TMEM245: variants seen among roughly 807,000 people sequenced by gnomAD.
TMEM245 encodes transmembrane protein 245, also known as protein CG-2.
In TMEM245, 69 loss-of-function variants were observed where a neutral mutation model predicts 101.2. That is an observed-to-expected ratio of 0.68 (90% CI 0.56 to 0.83). The LOEUF (loss-of-function observed/expected upper bound fraction) is 0.83. TMEM245 is among the 40% of genes least tolerant of loss of function. The pLI is 0.00. For synonymous variants in TMEM245, 537 were observed against 449.8 expected (o/e 1.19, Z -2.45); for missense variants, 1,075 against 1,092.8 (o/e 0.98, Z 0.23).
chr9:109,069,985 A>T (rs1829281989), intron 9 of TMEM245, among the ~76,000 whole-genome samples: 1 of 152,052 alleles, frequency 6.6e-6, no homozygotes, highest in Non-Finnish European at 1.5e-5. Context: ...GACCACTACT[A>T]CTGTCTCAAA....
rs1564197242 is a variant in TMEM245, at chr9:109,083,910, A to AC, written c.1344+2086_1344+2087insG. ...ATCTCTACTAAAAATACAAAAAAAA[A>AC]AAAAAAAAAAAAAAAAAAACACCAG... On this transcript the variant is annotated intron_variant, in intron 7 of 17. Transcript: ENST00000374586. Among the ~76,000 whole-genome samples the AC allele has an allele frequency of 1.5e-3, 170 of 111,556 alleles. 6 individuals are homozygous for AC. Among genetic ancestry groups the AC allele is most frequent in the East Asian group, 0.012 (46 of 3,968 alleles). The allele number at this position is 111,556 out of a possible 152,430, so 73.2% of individuals were successfully genotyped here. A position where few individuals can be genotyped will look rare whatever the true frequency, so the allele number is the denominator to read the frequency against.
intron 1 of TMEM245, among the ~76,000 whole-genome samples, chr9:109,115,489 A>T (rs1422494974): frequency 7.2e-6 from 1 of 139,686 alleles, no homozygotes; most frequent in Non-Finnish European, 1.6e-5. Context: ...TAGAATGCTG[A>T]TATTTTTCTG....
chr9:109,087,243 T>C lies in TMEM245; in HGVS notation c.1250A>G (p.Glu417Gly), dbSNP rs765102313. The C allele has an allele frequency of 9.9e-6, 16 of 1,613,996 alleles. No homozygotes were observed. Among genetic ancestry groups the C allele is most frequent in the South Asian group, 3.3e-5 (3 of 91,070 alleles). Residue 417 changes from glutamate to glycine, a missense_variant, in exon 6 of 18, where the codon GAG (glutamate) becomes GGG (glycine). By Grantham distance (98) the Glu-to-Gly change is moderately conservative. Coordinates refer to ENST00000374586, the MANE Select transcript of TMEM245 (RefSeq NM_032012.4). ...CCAAGGCGCGAGAGCTCCCTGCCGC[T>C]CCTTCAGGAAGCTTTCTATAATGCC... is the stretch of plus-strand genomic sequence containing the variant. ...WWGIIESFLK[E>G]RQGALAPWPI... is the part of the protein sequence containing the mutation.
Position 109,093,594 on chromosome 9 carries a change from G to A in TMEM245, c.800-3C>T, listed in dbSNP as rs1468843684. ...AACCTGCCCTGGTAACTCTGCCCCT[G>A]TAAAAGAAGCATCCATTTTCAAAAC... On this transcript the variant is annotated splice_region_variant and splice_polypyrimidine_tract_variant and intron_variant, in intron 3 of 17. Coordinates refer to ENST00000374586, the MANE Select transcript of TMEM245 (RefSeq NM_032012.4). 4 of 1,611,624 alleles carry A rather than the reference G, an allele frequency of 2.5e-6. No homozygotes were observed. The highest frequency in any genetic ancestry group is 3.4e-6 in the Non-Finnish European group (4 of 1,178,354).
In TMEM245 at chr9:109,038,054, A is replaced by G. The variant is rs780468813; in HGVS notation, c.2187T>C (p.His729=). 5.0e-6 allele frequency: 8 copies of G among 1,613,392 alleles called. No individual in the cohort carries two copies. In the South Asian group the frequency reaches 6.6e-5, roughly 13 times the overall value. Residue 729 remains histidine, a synonymous_variant, in exon 15 of 18, where the codon CAT becomes CAC. Coordinates refer to ENST00000374586, the MANE Select transcript of TMEM245 (RefSeq NM_032012.4). ...AGACAATATTGATGCCAAACATAGT[A>G]TGAGTCAGCCAGGTATACAATCCAT... is the stretch of plus-strand genomic sequence containing the variant. ...GFYGLYTWLT[H]TMFGINIVFI...
intron 12 of TMEM245, among the ~76,000 whole-genome samples, chr9:109,051,970 G>A (rs1828699983): frequency 6.6e-6 from 1 of 152,176 alleles, no homozygotes; most frequent in Admixed American, 6.5e-5. Context: ...GACAGGCAAT[G>A]ACCAGTATAT....
At chr9:109,104,368 A>C (rs1830356448) in intron 3 of TMEM245, among the ~76,000 whole-genome samples, 1 of 152,194 alleles carries the variant, frequency 6.6e-6, no homozygotes, top group African/African-American at 2.4e-5. Flanking sequence ...ACACTAAAAA[A>C]TTAAAGAGTA....
chr9:109,024,275 AC>A (rs1454980601), intron 17 of TMEM245, among the ~76,000 whole-genome samples: 1 of 152,088 alleles, frequency 6.6e-6, no homozygotes, highest in Non-Finnish European at 1.5e-5. Context: ...TATTATACAT[AC>A]CCCCTCCCTT....
At chr9:109,037,552 A>T (rs2132329648) in intron 15 of TMEM245, among the ~76,000 whole-genome samples, 1 of 152,180 alleles carries the variant, frequency 6.6e-6, no homozygotes, top group East Asian at 1.9e-4. Flanking sequence ...TTATCGTGAG[A>T]TCTGGTTGTT....
At chr9:109,033,004 G>C (rs1828009937) in intron 17 of TMEM245, among the ~76,000 whole-genome samples, 1 of 151,978 alleles carries the variant, frequency 6.6e-6, no homozygotes, top group African/African-American at 2.4e-5. Flanking sequence ...TCGCCATGTT[G>C]GCCAGGCTGG....
chr9:109,086,086 AC>A, intron 6 of TMEM245, 66 bp from the exon 7 acceptor site: 2 of 1,524,930 alleles, frequency 1.3e-6, no homozygotes, highest in Non-Finnish European at 9.1e-7. Flanking sequence ...AGAGAATGCA[AC>A]CATAGTATGA....
intron 17 of TMEM245, among the ~76,000 whole-genome samples, chr9:109,029,953 G>C (rs898393840): frequency 6.6e-6 from 1 of 152,162 alleles, no homozygotes; most frequent in Non-Finnish European, 1.5e-5. Context: ...AGCAAAAGTC[G>C]TATGGGTAAA....
Position 109,050,353 on chromosome 9 carries a change from T to A in TMEM245, c.2053A>T (p.Ser685Cys). 4 of 1,614,106 alleles carry A rather than the reference T, an allele frequency of 2.5e-6. No individual in the cohort carries two copies. Among genetic ancestry groups the A allele is most frequent in the Non-Finnish European group, 3.4e-6 (4 of 1,180,008 alleles). The change falls in exon 14 of 18, where the codon AGC becomes TGC. Residue 685 changes from serine to cysteine, a missense_variant. This residue lies in a region of TMEM245 where 267 missense variants were observed against 351.3 expected (regional missense o/e 0.76). Transcript: ENST00000374586. ...EYYKPVKWVI[S>C]LTPLSQPGPS... ...CCTGGCTGAGATAGTGGAGTCAGGC[T>A]TATCACCCACTTCACTGGCTTGTAG...
chr9:109,033,629 C>T (rs566497043), intron 16 of TMEM245, 128 bp from the exon 17 acceptor site: 798 of 801,906 alleles, frequency 1.0e-3, no homozygotes, highest in Non-Finnish European at 1.3e-3. Flanking sequence ...TAGATCACCT[C>T]GATGCATACA....
chr9:109,103,653 T>G (rs898619461), intron 3 of TMEM245, among the ~76,000 whole-genome samples: 1 of 152,212 alleles, frequency 6.6e-6, no homozygotes, highest in Admixed American at 6.5e-5. Flanking sequence ...ACACCTCATG[T>G]TCTCACTTAT....
At chr9:109,106,736 CAAA>C in intron 2 of TMEM245, 127 bp from the exon 3 acceptor site, 16 of 437,340 alleles carry the variant, frequency 3.7e-5, no homozygotes, top group Non-Finnish European at 5.4e-5. Flanking sequence ...ACTTATCAGG[CAAA>C]AAAAAAAAAA....
intron 1 of TMEM245, among the ~76,000 whole-genome samples, chr9:109,111,681 T>C (rs1830570923): frequency 6.6e-6 from 1 of 152,218 alleles, no homozygotes; most frequent in Non-Finnish European, 1.5e-5. Flanking sequence ...AGAACTTAAA[T>C]ATCATTTTAT....
At chr9:109,029,755 G>A (rs1827894235) in intron 17 of TMEM245, among the ~76,000 whole-genome samples, 1 of 152,186 alleles carries the variant, frequency 6.6e-6, no homozygotes, top group African/African-American at 2.4e-5. Context: ...AAGCCAAAAG[G>A]ACAGCACTCC....
chr9:109,074,790 A>G (rs556610020), intron 8 of TMEM245, among the ~76,000 whole-genome samples: 1 of 152,354 alleles, frequency 6.6e-6, no homozygotes, highest in African/African-American at 2.4e-5. Flanking sequence ...TAAGCCATCA[A>G]GTGATACCAC....
Sources: allele counts gnomAD v4.1 joint callset (sites outside exome capture counted in the v4.1 genomes callset), GRCh38; gene constraint gnomAD v4.1.1; regional missense constraint gnomAD v4.1.1; transcripts MANE v1.5; gene names NCBI Gene and HGNC (gene_info 2026-07-23, HGNC 2026-07-21).